ANO1: variants seen among roughly 807,000 people sequenced by gnomAD.
The protein encoded by ANO1 is anoctamin-1.
Under a neutral mutation model 124.0 loss-of-function variants are expected in ANO1, and 59 were observed. The observed-to-expected ratio is 0.48, with a 90% CI of 0.39 to 0.59. The LOEUF is 0.59. Ranked by LOEUF, ANO1 falls within the 20% of genes least tolerant of loss-of-function variation. The pLI is 0.00. For synonymous variants in ANO1, 529 were observed against 532.0 expected (o/e 0.99, Z 0.08); for missense variants, 1,059 against 1,328.0 (o/e 0.80, Z 3.15).
chr11:70,008,562 G>T (rs1239814773), intron 1 of ANO1, among the ~76,000 whole-genome samples: 1 of 151,866 alleles, frequency 6.6e-6, no homozygotes, highest in African/African-American at 2.4e-5. Context: ...GTCCAGGAGG[G>T]TTTATTTCTG....
In ANO1 at chr11:70,124,395, C is replaced by T. The variant is rs1472594208; in HGVS notation, c.943C>T (p.Gln315Ter). The change falls in exon 9 of 26, where the codon CAG becomes TAG. Residue 315 changes from glutamine to a stop codon, truncating the protein, a stop_gained. Transcript: ENST00000355303. LOFTEE classifies it high-confidence loss of function. ...ACGCTATGGAGTTTTCTATAAGTAC[C>T]AGCCCATCGACCTGGTCAGGTAAGA... is the stretch of plus-strand genomic sequence containing the variant. ...WARYGVFYKY[Q>*]PIDLVRKYFG... is the part of the protein sequence containing the mutation. 3.1e-6 allele frequency: 5 copies of T among 1,613,678 alleles called. No individual in the cohort carries two copies. The highest frequency in any genetic ancestry group is 4.2e-6 in the Non-Finnish European group (5 of 1,179,882).
Position 70,137,424 on chromosome 11 carries a change from C to G in ANO1, c.1258+5345C>G, listed in dbSNP as rs572003649. On this transcript the variant is annotated intron_variant, in intron 11 of 25. Transcript: ENST00000355303. The stretch of plus-strand genomic sequence containing the variant: ...TATCTCCACAAACCCCCCACCCCCC[C>G]ACCCGCCATCACCGCTGTCTGCTGC... Among the ~76,000 whole-genome samples the G allele has an allele frequency of 9.5e-3, 1,257 of 132,888 alleles. 46 individuals are homozygous for G. The highest frequency in any genetic ancestry group is 0.031 in the African/African-American group (1,163 of 37,860). 87.2% of individuals were successfully genotyped at this position (132,888 alleles called of 152,430 possible). A position where few individuals can be genotyped will look rare whatever the true frequency, so the allele number is the denominator to read the frequency against.
chr11:69,972,186 C>CAAAAAAA, the ANO1 span, among the ~76,000 whole-genome samples: 1 of 86,564 alleles, frequency 1.2e-5, no homozygotes, highest in Non-Finnish European at 2.3e-5. Context: ...GACTCCGTCT[C>CAAAAAAA]AAAAAAAAAA....
the ANO1 span, among the ~76,000 whole-genome samples, chr11:69,966,524 C>T: frequency 5.7e-4 from 87 of 152,300 alleles, no homozygotes; most frequent in Admixed American, 1.5e-3. Flanking sequence ...GTGGGGTGGC[C>T]CTGGCATTCG....
chr11:70,128,565 A>G (rs1488713948), intron 10 of ANO1, among the ~76,000 whole-genome samples: 3 of 152,220 alleles, frequency 2.0e-5, no homozygotes, highest in Non-Finnish European at 4.4e-5. Flanking sequence ...CTCAGGATTC[A>G]GCCGCTGTGG....
At chr11:70,084,941 G>A (rs2155450) in intron 1 of ANO1, among the ~76,000 whole-genome samples, 78,242 of 151,950 alleles carry the variant, frequency 0.51, 20,521 homozygotes, top group African/African-American at 0.59. Flanking sequence ...CAGGTCAAAT[G>A]GACCTAACTA....
At chr11:70,043,127 C>G (rs1411420912) in intron 1 of ANO1, among the ~76,000 whole-genome samples, 7 of 152,048 alleles carry the variant, frequency 4.6e-5, no homozygotes, top group African/African-American at 1.7e-4. Flanking sequence ...TAGAGGGAAT[C>G]ATGAACTGAT....
At chr11:70,140,042 G>C (rs563857881) in intron 11 of ANO1, among the ~76,000 whole-genome samples, 1 of 152,138 alleles carries the variant, frequency 6.6e-6, no homozygotes, top group Non-Finnish European at 1.5e-5. Flanking sequence ...GCCAGGCCCC[G>C]GGCTAAGGGC....
In ANO1 at chr11:70,031,495, C is replaced by G. The variant is rs2046996; in HGVS notation, c.58+45329C>G. On this transcript the variant is annotated intron_variant, in intron 1 of 27. Transcript: ENST00000531349. ...CTTTGATTGGCAATTCTCCTTCCCT[C>G]TTTCCCATCCCCTTGCCTCTGGTTG... 0.014 allele frequency among the ~76,000 whole-genome samples: 2,116 copies of G among 152,316 alleles called. 101 individuals are homozygous for G. In the East Asian group the frequency reaches 0.15, roughly 11 times the overall value.
At chr11:70,116,098 C>T (rs140155837) in intron 7 of ANO1, among the ~76,000 whole-genome samples, 10 of 152,292 alleles carry the variant, frequency 6.6e-5, no homozygotes, top group Non-Finnish European at 8.8e-5. Flanking sequence ...GGGACATATA[C>T]GCACCCTATT....
At chr11:70,088,558 C>T (rs1213522132) in intron 2 of ANO1, among the ~76,000 whole-genome samples, 1 of 147,696 alleles carries the variant, frequency 6.8e-6, no homozygotes, top group Admixed American at 6.7e-5. Flanking sequence ...CAGACAAAAA[C>T]ACTGTTCTTG....
At chr11:70,160,377 G>A (rs2047996571) in intron 16 of ANO1, among the ~76,000 whole-genome samples, 2 of 152,180 alleles carry the variant, frequency 1.3e-5, no homozygotes, top group African/African-American at 4.8e-5. Flanking sequence ...GCAGGGTGAG[G>A]GAGCCCAGAC....
chr11:70,178,192 C>T (rs964162513), intron 22 of ANO1, among the ~76,000 whole-genome samples: 1 of 152,240 alleles, frequency 6.6e-6, no homozygotes, highest in African/African-American at 2.4e-5. Flanking sequence ...CCACGGAGGG[C>T]CCTCAGCCCT....
intron 1 of ANO1, among the ~76,000 whole-genome samples, chr11:70,053,081 T>C (rs1050711536): frequency 5.9e-5 from 9 of 152,232 alleles, no homozygotes; most frequent in African/African-American, 1.9e-4. Context: ...AGAAGAACAA[T>C]TGACTTTTGA....
intron 1 of ANO1, among the ~76,000 whole-genome samples, chr11:69,990,760 ATCT>A (rs1334877846): frequency 6.6e-6 from 1 of 152,152 alleles, no homozygotes; most frequent in Non-Finnish European, 1.5e-5. Context: ...TCATTTGTTT[ATCT>A]TCTTTGGAGA....
chr11:70,110,801 C>A (rs1187366504), intron 6 of ANO1, among the ~76,000 whole-genome samples: 2 of 152,218 alleles, frequency 1.3e-5, no homozygotes, highest in East Asian at 3.8e-4. Context: ...GCTGGGCCCC[C>A]ACGATGTATT....
chr11:70,124,437 G>A (rs191590670), intron 9 of ANO1, 23 bp downstream of exon 9: 31 of 1,611,960 alleles, frequency 1.9e-5, no homozygotes, highest in Middle Eastern at 1.7e-4. Context: ...CACAGCCTGC[G>A]GGAATCAAGT....
At chr11:69,973,828 T>C in the ANO1 span, among the ~76,000 whole-genome samples, 5 of 150,868 alleles carry the variant, frequency 3.3e-5, no homozygotes, top group East Asian at 2.0e-4. Context: ...GTCGAGATCA[T>C]GCCACTGCAC....
intron 6 of ANO1, chr11:70,111,047 C>T (rs1390747878): frequency 2.3e-6 from 1 of 438,336 alleles, no homozygotes; most frequent in Non-Finnish European, 4.7e-6. Flanking sequence ...GAATCACTGG[C>T]CACTGACGCT....
Sources: allele counts gnomAD v4.1 joint callset (sites outside exome capture counted in the v4.1 genomes callset), GRCh38; gene constraint gnomAD v4.1.1; transcripts MANE v1.5; gene names NCBI Gene and HGNC (gene_info 2026-07-23, HGNC 2026-07-21).